Variants in STK10 observed in about 807,000 individuals in gnomAD.
STK10 encodes serine/threonine-protein kinase 10.
A neutral mutation model predicts 113.8 loss-of-function variants in STK10; 78 were observed. The observed-to-expected ratio is 0.69, with a 90% confidence interval of 0.57 to 0.83. The LOEUF (loss-of-function observed/expected upper bound fraction) is 0.83. STK10 is among the 40% of genes least tolerant of loss of function. STK10 has a pLI of 0.00. For missense variants in STK10, 1,109 were observed against 1,280.1 expected (o/e 0.87, Z 2.04); for synonymous variants, 465 against 494.7 (o/e 0.94, Z 0.80).
At position 172,093,736 on chromosome 5, in the gene STK10, C is replaced by T; in HGVS notation, c.1230G>A (p.Leu410=). 6.2e-7 allele frequency: 1 copy of T among 1,613,786 alleles called. No homozygotes were observed. The highest frequency in any genetic ancestry group is 1.1e-5 in the South Asian group (1 of 91,080). The change falls in exon 9 of 19, where the codon CTG becomes CTA. Residue 410 remains leucine, a synonymous_variant. Coordinates refer to ENST00000176763, the MANE Select transcript of STK10 (RefSeq NM_005990.4). The surrounding 1 kb of genome is among the most constrained non-coding windows in gnomAD (Gnocchi z 4.1). ...NENGLAVPVP[L]RKSRPVSMDA... is the part of the protein sequence containing the mutation. ...CCATTGACACGGGTCGGGACTTCCG[C>T]AGGGGCACAGGCACTGCCAGGCCGT...
intron 2 of STK10, among the ~76,000 whole-genome samples, chr5:172,149,655 C>T (rs1770169375): frequency 6.6e-6 from 1 of 152,134 alleles, no homozygotes; most frequent in South Asian, 2.1e-4. Flanking sequence ...GCACCCAAAA[C>T]TGCCAAAAAG....
At chr5:172,085,678 G>A (rs111298614) in intron 10 of STK10, among the ~76,000 whole-genome samples, 3 of 145,366 alleles carry the variant, frequency 2.1e-5, no homozygotes, top group Non-Finnish European at 4.5e-5. Flanking sequence ...GACAGAGTGA[G>A]ACTCCATTTC....
At chr5:172,106,542 C>T in intron 6 of STK10, 78 bp downstream of exon 6, 1 of 1,453,588 alleles carries the variant, frequency 6.9e-7, no homozygotes, top group South Asian at 1.3e-5. Flanking sequence ...CTGCACCTCC[C>T]CAGCCCCGTC....
intron 2 of STK10, among the ~76,000 whole-genome samples, chr5:172,137,332 C>T (rs7704787): frequency 0.2 from 30,728 of 151,762 alleles, 3,236 homozygotes; most frequent in Non-Finnish European, 0.25. Context: ...GAATCATATT[C>T]AACTATTAAA....
At chr5:172,115,959 G>A (rs548176573) in intron 4 of STK10, among the ~76,000 whole-genome samples, 8 of 152,330 alleles carry the variant, frequency 5.3e-5, no homozygotes, top group Non-Finnish European at 1.0e-4. Context: ...CACATTGGGC[G>A]GGGCATGGGG....
intron 18 of STK10, chr5:172,045,288 G>GA (rs1197134788): frequency 1.1e-4 from 67 of 604,048 alleles, no homozygotes; most frequent in East Asian, 1.7e-4. Context: ...GGGCAGGGAG[G>GA]AAAAAAAAGC....
At position 172,082,817 on chromosome 5, in the gene STK10, C is replaced by T; in HGVS notation, c.1809+144G>A. On this transcript the variant is annotated intron_variant, in intron 11 of 18. Coordinates refer to ENST00000176763, the MANE Select transcript of STK10 (RefSeq NM_005990.4). The surrounding 1 kb of genome is among the most constrained non-coding windows in gnomAD (Gnocchi z 4.3). ...GGGTTCTGTGTTAACAAGTCACTGC[C>T]TAACAAGATCGGGAAGCCCCCAGGA... The T allele has an allele frequency of 1.5e-6, 2 of 1,331,346 alleles. No individual in the cohort carries two copies. The highest frequency in any genetic ancestry group is 1.5e-5 in the African/African-American group (1 of 67,814). 82.5% of individuals were successfully genotyped at this position (1,331,346 alleles called of 1,614,324 possible).
chr5:172,131,167 G>C (rs972588290), intron 2 of STK10, among the ~76,000 whole-genome samples: 1 of 151,532 alleles, frequency 6.6e-6, no homozygotes, highest in Non-Finnish European at 1.5e-5. Context: ...CCGAGTAGCT[G>C]GGACTACAGG....
At chr5:172,172,035 A>G (rs1770672555) in intron 1 of STK10, among the ~76,000 whole-genome samples, 1 of 151,954 alleles carries the variant, frequency 6.6e-6, no homozygotes, top group South Asian at 2.1e-4. Context: ...CTACAAAAAT[A>G]CAAAATTAGC....
intron 2 of STK10, among the ~76,000 whole-genome samples, chr5:172,139,464 C>T (rs138182469): frequency 1.8e-3 from 260 of 147,078 alleles, no homozygotes; most frequent in African/African-American, 6.6e-3. Context: ...CAAGACCAGC[C>T]TGGGCAATAT....
chr5:172,061,818 T>G (rs1434252838), intron 13 of STK10, among the ~76,000 whole-genome samples: 1 of 152,168 alleles, frequency 6.6e-6, no homozygotes, highest in Non-Finnish European at 1.5e-5. Flanking sequence ...GGTAGTTATT[T>G]CTGTGATGTT....
Position 172,102,572 on chromosome 5 carries a change from C to T in STK10, c.870+3084G>A, listed in dbSNP as rs114021793. Among the ~76,000 whole-genome samples the T allele has an allele frequency of 4.6e-3, 705 of 152,094 alleles. 5 individuals are homozygous for T. The highest frequency in any genetic ancestry group is 0.016 in the African/African-American group (649 of 41,478). On this transcript the variant is annotated intron_variant, in intron 7 of 18. Transcript: ENST00000176763. ...GGCAAAGGGGGGCGAGCAAAGGCAA[C>T]GGAGAAGGAGAGGCTTATGACCAAG...
Position 172,071,341 on chromosome 5 carries a change from C to CAAAAA in STK10, c.1990-6534_1990-6530dup, listed in dbSNP as rs58271522. Among the ~76,000 whole-genome samples, 177 of 53,868 alleles carry CAAAAA rather than the reference C, an allele frequency of 3.3e-3. 15 individuals carry two copies. Among genetic ancestry groups the CAAAAA allele is most frequent in the African/African-American group, 0.013 (172 of 13,004 alleles). The allele number at this position is 53,868 out of a possible 152,430, so 35.3% of individuals were successfully genotyped here. ...ACTAAAACTGAGGCAGGATAGGTAG[C>CAAAAA]AAAAAAAAAAAAAAAAAAAAAATGA... On this transcript the variant is annotated intron_variant, in intron 12 of 18. Transcript: ENST00000176763.
At chr5:172,122,006 T>C (rs1769521259) in intron 3 of STK10, among the ~76,000 whole-genome samples, 2 of 151,974 alleles carry the variant, frequency 1.3e-5, no homozygotes, top group Admixed American at 1.3e-4. Flanking sequence ...TGGCTGGGAT[T>C]ATGGGCACCT....
rs1248117775 is a variant in STK10 at position 172,044,928 on chromosome 5, C to T, written c.2861G>A (p.Ser954Asn). 6.2e-7 allele frequency: 1 copy of T among 1,614,188 alleles called. No homozygotes were observed. The highest frequency in any genetic ancestry group is 1.7e-5 in the Admixed American group (1 of 60,024). ...GTAGGGGAAGAACTTGGCGGCCTTG[C>T]TTGGGGTGGAGGGGTTTGGGCACTC... ...EAECPNPSTPSKAAKFFPYSS... is the reference protein window; with the variant it reads ...EAECPNPSTPNKAAKFFPYSS... Residue 954 changes from serine to asparagine, a missense_variant, in exon 19 of 19, where the codon AGC becomes AAC. Transcript: ENST00000176763. The surrounding 1 kb of genome is among the most constrained non-coding windows in gnomAD (Gnocchi z 4.5).
intron 1 of STK10, among the ~76,000 whole-genome samples, chr5:172,169,046 C>T (rs1770620116): frequency 1.3e-5 from 2 of 152,130 alleles, no homozygotes; most frequent in African/African-American, 2.4e-5. Flanking sequence ...TACTTCCCAG[C>T]CCTCTTCATG....
chr5:172,092,180 G>T (rs931633369), intron 9 of STK10, among the ~76,000 whole-genome samples: 3 of 152,198 alleles, frequency 2.0e-5, no homozygotes, highest in Non-Finnish European at 2.9e-5. Context: ...GAGTGGAGGG[G>T]AAGAAAGGGC....
chr5:172,157,834 G>A (rs1237024349), intron 1 of STK10, among the ~76,000 whole-genome samples: 2 of 150,614 alleles, frequency 1.3e-5, no homozygotes, highest in African/African-American at 2.5e-5. Flanking sequence ...CAAGTGATCC[G>A]CCCATCTCGG....
intron 6 of STK10, among the ~76,000 whole-genome samples, chr5:172,106,416 AAAG>A (rs1401602870): frequency 1.4e-5 from 2 of 144,846 alleles, no homozygotes; most frequent in Non-Finnish European, 1.5e-5. Flanking sequence ...AAAAAAAAAA[AAAG>A]GAACACAAAG....
Sources: gnomAD v4.1 joint callset for allele counts (sites outside exome capture counted in the v4.1 genomes callset) on GRCh38, gnomAD v4.1.1 for gene constraint, Gnocchi (gnomAD v3.1) non-coding constraint, MANE v1.5 for transcripts, NCBI Gene and HGNC (gene_info 2026-07-23, HGNC 2026-07-21) for gene names.